Variants in STYXL1 observed in about 807,000 individuals in gnomAD.
STYXL1 encodes the protein serine/threonine/tyrosine-interacting-like protein 1.
A neutral mutation model predicts 36.4 loss-of-function variants in STYXL1; 32 were observed. The ratio of observed to expected loss-of-function variants is 0.88; its 90% confidence interval spans 0.66 to 1.18. STYXL1 has a LOEUF of 1.18. STYXL1 is among the 50% of genes most tolerant of loss of function. The probability of loss-of-function intolerance (pLI) is 0.00; values close to 1 mark genes in which losing one functional copy is unlikely to be tolerated. For synonymous variants in STYXL1, 133 were observed against 144.1 expected, an observed-to-expected ratio of 0.92 and a Z score of 0.55; for missense variants, 354 against 394.1, an observed-to-expected ratio of 0.90 and a Z score of 0.86.
chr7:76,010,809 G>C (rs550947728), intron 5 of STYXL1, among the ~76,000 whole-genome samples: 28 of 152,260 alleles, frequency 1.8e-4, no homozygotes, highest in South Asian at 4.1e-4. Context: ...AGGCTGCCCA[G>C]CTCTAGGGCA....
intron 1 of STYXL1, among the ~76,000 whole-genome samples, chr7:76,031,331 C>CAAAAAA (rs60550486): frequency 4.7e-5 from 2 of 42,304 alleles, no homozygotes; most frequent in Non-Finnish European, 7.2e-5. Context: ...ACTCTGTCTC[C>CAAAAAA]AAAAAAAAAA....
chr7:76,014,725 A>C (rs1331770377), intron 4 of STYXL1, among the ~76,000 whole-genome samples: 2 of 151,944 alleles, frequency 1.3e-5, no homozygotes, highest in African/African-American at 2.4e-5. Flanking sequence ...AGTTTACAGA[A>C]ACTGCCAGCT....
intron 4 of STYXL1, among the ~76,000 whole-genome samples, chr7:76,017,612 G>A (rs550907347): frequency 9.2e-5 from 14 of 151,860 alleles, no homozygotes; most frequent in African/African-American, 2.7e-4. Context: ...GGGGCCAGGC[G>A]CGATGGCTCA....
intron 5 of STYXL1, among the ~76,000 whole-genome samples, chr7:76,011,836 G>A (rs782337345): frequency 4.6e-5 from 7 of 152,182 alleles, no homozygotes; most frequent in Admixed American, 6.5e-5. Flanking sequence ...TACCCGGGGC[G>A]TCCCTTGACA....
chr7:76,023,743 C>T (rs1011202560), intron 3 of STYXL1, among the ~76,000 whole-genome samples: 1 of 151,810 alleles, frequency 6.6e-6, no homozygotes, highest in African/African-American at 2.4e-5. Flanking sequence ...AGGCCGGGCG[C>T]GGAGGCTCAT....
intron 2 of STYXL1, 61 bp downstream of exon 2, chr7:76,030,360 T>A: frequency 7.6e-7 from 1 of 1,309,042 alleles, no homozygotes; most frequent in Non-Finnish European, 1.1e-6. Flanking sequence ...TGTTAACTCA[T>A]CAAAAATAAT....
intron 8 of STYXL1, among the ~76,000 whole-genome samples, chr7:75,997,167 C>A (rs1252212751): frequency 6.6e-6 from 1 of 151,634 alleles, no homozygotes; most frequent in Admixed American, 6.6e-5. Flanking sequence ...CACAGTGGCT[C>A]ATGCCTGTAA....
At chr7:76,038,934 G>A (rs1796210526) in intron 1 of STYXL1, among the ~76,000 whole-genome samples, 2 of 135,842 alleles carry the variant, frequency 1.5e-5, no homozygotes, top group Admixed American at 7.7e-5. Flanking sequence ...CTACAAGTGT[G>A]CACCATCATG....
Position 76,046,277 on chromosome 7 carries a change from TGTGTGTGTGTGTGTG to T in STYXL1, c.-5+1370_-5+1384del, listed in dbSNP as rs1563534336. On this transcript the variant is annotated intron_variant, in intron 1 of 8. Transcript: ENST00000359697. ...CCAGCATGTCTCAGCTTATCTGCTGTGTGTGTGTGTGTGTGTGTGTGTGTGTGTGTGTGTGTGTGT... is the reference window on the plus strand; with the variant it reads ...CCAGCATGTCTCAGCTTATCTGCTGTTGTGTGTGTGTGTGTGTGTGTGTGT... Among the ~76,000 whole-genome samples the T allele has an allele frequency of 4.3e-3, 78 of 17,970 alleles. 3 individuals are homozygous for T. The highest frequency in any genetic ancestry group is 6.9e-3 in the African/African-American group (41 of 5,920). The allele number at this position is 17,970 out of a possible 152,430, so 11.8% of individuals were successfully genotyped here.
intron 1 of STYXL1, among the ~76,000 whole-genome samples, chr7:76,031,454 C>G (rs1354911711): frequency 6.6e-6 from 1 of 151,828 alleles, no homozygotes; most frequent in African/African-American, 2.4e-5. Flanking sequence ...GTAGCTCACG[C>G]CTGTAATCCC....
At chr7:76,007,029 CT>C (rs1304513809) in intron 5 of STYXL1, among the ~76,000 whole-genome samples, 12 of 152,200 alleles carry the variant, frequency 7.9e-5, no homozygotes, top group Admixed American at 2.6e-4. Context: ...CATGTACAGA[CT>C]TTTTTTCTTG....
Position 76,001,009 on chromosome 7 carries a change from A to G in STYXL1, c.698-7T>C, listed in dbSNP as rs1554567005. The G allele has an allele frequency of 6.2e-7, 1 of 1,611,526 alleles. No individual in the cohort carries two copies. The stretch of plus-strand genomic sequence containing the variant: ...CCAAGGTGATGGTGAATTTCTGCAA[A>G]AAGAAGTGGGGGGTTGGGTCATGCC... On this transcript the variant is annotated splice_polypyrimidine_tract_variant and splice_region_variant and intron_variant, in intron 7 of 8. Transcript: ENST00000359697.
chr7:76,045,352 A>G (rs1796851535), intron 1 of STYXL1: 1 of 149,590 alleles, frequency 6.7e-6, no homozygotes, highest in Non-Finnish European at 1.5e-5. Flanking sequence ...GGGAATTCTT[A>G]GCATACAAGG....
intron 6 of STYXL1, 45 bp from the exon 7 acceptor site, chr7:76,003,900 C>T (rs1348155954): frequency 1.9e-6 from 3 of 1,567,114 alleles, no homozygotes; most frequent in Non-Finnish European, 2.6e-6. Context: ...ATGCAGAATG[C>T]AGGCATCCCC....
Position 76,005,245 on chromosome 7 carries a change from T to C in STYXL1, c.599+14A>G. ...ATAAAATGAAATATAAATCAGTAGTTTCTCTTTACTTACAAGGGCCCTGTA... is the reference window on the plus strand; with the variant it reads ...ATAAAATGAAATATAAATCAGTAGTCTCTCTTTACTTACAAGGGCCCTGTA... On this transcript the variant is annotated intron_variant, in intron 6 of 8. Transcript: ENST00000359697. 1 of 1,368,940 alleles carries C rather than the reference T, an allele frequency of 7.3e-7. No homozygotes were observed. Among genetic ancestry groups the C allele is most frequent in the South Asian group, 2.3e-5 (1 of 44,302 alleles). 84.8% of individuals were successfully genotyped at this position (1,368,940 alleles called of 1,614,324 possible).
rs782050882 is a variant in STYXL1 at position 75,996,477 on chromosome 7, C to T, written c.933G>A (p.Pro311=). 22 of 1,614,056 alleles carry T rather than the reference C, an allele frequency of 1.4e-5. No homozygotes were observed. Among genetic ancestry groups the T allele is most frequent in the African/African-American group, 9.3e-5 (7 of 74,922 alleles). ...TGGGCCTCGGAGAAGATCAGTAGAG[C>T]GGATCCATGATGTTTGTGATGGAAT... The part of the protein sequence containing the change: ...LGDSITNIMD[P]LY The change falls in exon 9 of 9, where the codon CCG becomes CCA. Residue 311 remains proline (P), a synonymous_variant. Coordinates refer to ENST00000359697, the MANE Select transcript of STYXL1 (RefSeq NM_001317785.2).
chr7:76,029,249 C>T (rs1039815805), intron 2 of STYXL1, among the ~76,000 whole-genome samples: 1 of 152,074 alleles, frequency 6.6e-6, no homozygotes, highest in Non-Finnish European at 1.5e-5. Flanking sequence ...TGGGTTCAAG[C>T]GATTTTCCTG....
chr7:75,997,877 ATATT>A (rs1790330118), intron 8 of STYXL1, among the ~76,000 whole-genome samples: 1 of 152,206 alleles, frequency 6.6e-6, no homozygotes. Flanking sequence ...AAAGAATAAA[ATATT>A]TAACCAAGGA....
At position 76,039,183 on chromosome 7, in the gene STYXL1, G is replaced by A. The variant is rs1016301918; in HGVS notation, c.-5+8479C>T. On this transcript the variant is annotated intron_variant, in intron 1 of 8. Transcript: ENST00000359697. ...GAACTCCTGACCTCGTGATCCACCC[G>A]CCTTGGCATCCCGAAGTGCTGGGAT... Among the ~76,000 whole-genome samples, 14 of 149,322 alleles carry A rather than the reference G, an allele frequency of 9.4e-5. 2 individuals are homozygous for A. The highest frequency in any genetic ancestry group is 2.3e-4 in the African/African-American group (9 of 38,782).
Sources: allele counts gnomAD v4.1 joint callset (sites outside exome capture counted in the v4.1 genomes callset), GRCh38; gene constraint gnomAD v4.1.1; transcripts MANE v1.5; gene names NCBI Gene and HGNC (gene_info 2026-07-23, HGNC 2026-07-21).